EXTL3: variants seen among roughly 807,000 people sequenced by gnomAD.
EXTL3 encodes exostosin like glycosyltransferase 3.
A neutral mutation model predicts 69.3 loss-of-function variants in EXTL3; 27 were observed. The ratio of observed to expected loss-of-function variants is 0.39; its 90% CI spans 0.29 to 0.54. EXTL3 has a LOEUF of 0.54. EXTL3 is among the 20% of genes least tolerant of loss of function. The pLI is 0.69. For missense variants in EXTL3, 1,003 were observed against 1,231.8 expected, an observed-to-expected ratio of 0.81 and a Z score of 2.78; for synonymous variants, 511 against 499.4, an observed-to-expected ratio of 1.02 and a Z score of -0.31.
chr8:28,621,659 G>T (rs1462624986), upstream of EXTL3, among the ~76,000 whole-genome samples: 1 of 152,194 alleles, frequency 6.6e-6, no homozygotes, highest in Non-Finnish European at 1.5e-5. Flanking sequence ...TACTTACAGT[G>T]AGGGAAAACT....
chr8:28,732,971 A>G (rs1346475813), intron 4 of EXTL3, among the ~76,000 whole-genome samples: 2 of 152,148 alleles, frequency 1.3e-5, no homozygotes, highest in Non-Finnish European at 2.9e-5. Flanking sequence ...AGCTCAGGCA[A>G]CCTGCCCGCC....
At chr8:28,621,889 T>C (rs906409314), upstream of EXTL3, among the ~76,000 whole-genome samples, 1 of 152,242 alleles carries the variant, frequency 6.6e-6, no homozygotes, top group South Asian at 2.1e-4. Flanking sequence ...GACAGAAATA[T>C]TTCCACGTAG....
chr8:28,634,569 TGGAAGAG>T (rs71549681), intron 1 of EXTL3, among the ~76,000 whole-genome samples: 52,026 of 149,688 alleles, frequency 0.35, 9,994 homozygotes, highest in African/African-American at 0.52. Flanking sequence ...CTGCCCATCC[TGGAAGAG>T]GGAAGAGATG....
chr8:28,723,980 CT>C (rs375453638), intron 3 of EXTL3, among the ~76,000 whole-genome samples: 13,318 of 145,830 alleles, frequency 0.091, 598 homozygotes, highest in South Asian at 0.14. Flanking sequence ...TATTTTTTTT[CT>C]TTTTTTTTTT....
intron 2 of EXTL3, among the ~76,000 whole-genome samples, chr8:28,611,515 T>G (rs1217614460): frequency 2.6e-5 from 4 of 152,204 alleles, no homozygotes. Flanking sequence ...GGATTCTGAA[T>G]GCATTTGAGT....
intron 4 of EXTL3, 83 bp from the exon 5 acceptor site, chr8:28,737,436 A>AATAAC: frequency 6.9e-7 from 1 of 1,454,504 alleles, no homozygotes; most frequent in African/African-American, 1.4e-5. Context: ...CAGAGCTTGT[A>AATAAC]AGGTGGAGGC....
chr8:28,636,870 G>A (rs1806664420), intron 1 of EXTL3, among the ~76,000 whole-genome samples: 1 of 152,078 alleles, frequency 6.6e-6, no homozygotes, highest in Non-Finnish European at 1.5e-5. Flanking sequence ...AATTAGCTGG[G>A]CATGGTGGCA....
chr8:28,717,271 C>G lies in EXTL3; in HGVS notation c.1212C>G (p.Pro404=), dbSNP rs1801176848. 1 of 1,614,238 alleles carries G rather than the reference C, an allele frequency of 6.2e-7. No homozygotes were observed. The highest frequency in any genetic ancestry group is 1.1e-5 in the South Asian group (1 of 91,090). ...TGGAATTCACCTGCAAAAACCAGCC[C>G]AAACCCAGCCTGCCGACTGAGTGGG... The part of the protein sequence containing the change: ...VLVEFTCKNQ[P]KPSLPTEWAL... Residue 404 remains proline (P), a synonymous_variant, in exon 3 of 7, where the codon CCC becomes CCG. Transcript: ENST00000220562. This position sits in a 1 kb window ranked among gnomAD's most constrained non-coding sequence, Gnocchi z 8.3.
At chr8:28,702,182 T>G (rs1563209020) in intron 1 of EXTL3, among the ~76,000 whole-genome samples, 1 of 151,940 alleles carries the variant, frequency 6.6e-6, no homozygotes, top group Non-Finnish European at 1.5e-5. Flanking sequence ...CTACACGCAG[T>G]CGCCTGCTGC....
intron 1 of EXTL3, among the ~76,000 whole-genome samples, chr8:28,636,719 G>A (rs1366739787): frequency 2.0e-5 from 3 of 152,136 alleles, no homozygotes; most frequent in Admixed American, 6.6e-5. Flanking sequence ...AAAACTTAGT[G>A]TTATAGCAGG....
chr8:28,730,453 A>G (rs1801513007), intron 3 of EXTL3, among the ~76,000 whole-genome samples: 1 of 152,218 alleles, frequency 6.6e-6, no homozygotes, highest in Non-Finnish European at 1.5e-5. Flanking sequence ...AAGGTGAATA[A>G]CACAGCTACT....
intron 2 of EXTL3, among the ~76,000 whole-genome samples, chr8:28,714,820 C>T (rs567586439): frequency 2.0e-5 from 3 of 152,338 alleles, no homozygotes; most frequent in East Asian, 3.9e-4. Context: ...ATCACAGCAA[C>T]GTGGTGCATT....
chr8:28,667,571 A>G (rs1807216344), intron 1 of EXTL3, among the ~76,000 whole-genome samples: 1 of 152,154 alleles, frequency 6.6e-6, no homozygotes, highest in Non-Finnish European at 1.5e-5. Flanking sequence ...AAGCTTACTC[A>G]GCTGTAATGC....
At chr8:28,732,598 C>G (rs1254176598) in intron 4 of EXTL3, among the ~76,000 whole-genome samples, 1 of 152,202 alleles carries the variant, frequency 6.6e-6, no homozygotes, top group Non-Finnish European at 1.5e-5. Flanking sequence ...ATCTTTGCAT[C>G]TCTATAGATT....
Position 28,750,790 on chromosome 8 carries a change from C to T in EXTL3, c.2684C>T (p.Thr895Met), listed in dbSNP as rs774539230. The T allele has an allele frequency of 4.3e-6, 7 of 1,614,002 alleles. No individual in the cohort carries two copies. Among genetic ancestry groups the T allele is most frequent in the African/African-American group, 2.7e-5 (2 of 74,940 alleles). ...KVYGYMPLLY[T>M]QFRVDSVLFK... The stretch of plus-strand genomic sequence containing the variant: ...TACGGCTACATGCCCCTCCTGTACA[C>T]GCAGTTCAGGGTGGATTCTGTGCTC... The change falls in exon 7 of 7, where the codon ACG (threonine) becomes ATG (methionine). Residue 895 changes from threonine to methionine, a missense_variant. Around this residue, in one of 2 missense-constraint regions of EXTL3, gnomAD observed 261 missense variants for 416.4 expected, o/e 0.63. Coordinates refer to ENST00000220562, the MANE Select transcript of EXTL3 (RefSeq NM_001440.4). This position sits in a 1 kb window ranked among gnomAD's most constrained non-coding sequence, Gnocchi z 5.2.
At chr8:28,661,725 C>CAA (rs1005666014) in intron 1 of EXTL3, among the ~76,000 whole-genome samples, 1 of 147,000 alleles carries the variant, frequency 6.8e-6, no homozygotes, top group Non-Finnish European at 1.5e-5. Flanking sequence ...ACTAAAAATA[C>CAA]AAAAAAAAAA....
chr8:28,718,410 C>T (rs1801214297), intron 3 of EXTL3, among the ~76,000 whole-genome samples: 1 of 147,934 alleles, frequency 6.8e-6, no homozygotes, highest in Non-Finnish European at 1.5e-5. Context: ...GTGGCTGTTA[C>T]TCACTTCCTA....
At chr8:28,619,524 C>T (rs552777676), upstream of EXTL3, among the ~76,000 whole-genome samples, 2 of 152,138 alleles carry the variant, frequency 1.3e-5, no homozygotes, top group Admixed American at 6.6e-5. Flanking sequence ...GACCCACTGC[C>T]CATGGCTCCC....
chr8:28,615,544 T>C (rs1425944181), intron 2 of EXTL3, among the ~76,000 whole-genome samples: 1 of 152,146 alleles, frequency 6.6e-6, no homozygotes, highest in African/African-American at 2.4e-5. Context: ...AAGTCTACTT[T>C]GAAATTAATA....
Sources: allele counts gnomAD v4.1 joint callset (sites outside exome capture counted in the v4.1 genomes callset), GRCh38; gene constraint gnomAD v4.1.1; regional missense constraint gnomAD v4.1.1; non-coding constraint Gnocchi (gnomAD v3.1); transcripts MANE v1.5; gene names NCBI Gene and HGNC (gene_info 2026-07-23, HGNC 2026-07-21).